Variants in SPAG9 observed in about 807,000 individuals in gnomAD.
The protein encoded by SPAG9 is C-Jun-amino-terminal kinase-interacting protein 4.
Under a neutral mutation model 166.5 loss-of-function variants are expected in SPAG9, and 35 were observed. The observed-to-expected ratio is 0.21, with a 90% CI of 0.16 to 0.28. SPAG9 has a LOEUF of 0.28. SPAG9 is among the 10% of genes least tolerant of loss of function. The pLI, the probability that SPAG9 is intolerant of heterozygous loss-of-function variation, is 1.00. For missense variants in SPAG9, 1,235 were observed against 1,603.3 expected (o/e 0.77, Z 3.92); for synonymous variants, 534 against 565.5 (o/e 0.94, Z 0.79).
chr17:51,037,668 T>C (rs2046649816), intron 5 of SPAG9, among the ~76,000 whole-genome samples: 1 of 28,156 alleles, frequency 3.6e-5, no homozygotes, highest in African/African-American at 8.3e-5. Context: ...ATGTGTTTTA[T>C]ATATATATAT....
intron 12 of SPAG9, among the ~76,000 whole-genome samples, chr17:51,004,960 C>T (rs1011246070): frequency 4.6e-5 from 7 of 152,076 alleles, no homozygotes; most frequent in Admixed American, 2.6e-4. Context: ...CCAGTTGGTC[C>T]TCAAACTTGA....
Position 51,041,610 on chromosome 17 carries a change from G to T in SPAG9, c.632C>A (p.Ala211Asp), listed in dbSNP as rs748515115. 6.2e-7 allele frequency: 1 copy of T among 1,613,908 alleles called. No individual in the cohort carries two copies. Among genetic ancestry groups the T allele is most frequent in the South Asian group, 1.1e-5 (1 of 91,080 alleles). ...ATCAGGTGTAAGCAATCCATCTCCA[G>T]CAGGTAATGGGAAAATTCCTAATGA... ...PISLGIFPLP[A>D]GDGLLTPDAQ... is the part of the protein sequence containing the mutation. Residue 211 changes from alanine to aspartate, a missense_variant, in exon 5 of 30, where the codon GCT becomes GAT. Transcript: ENST00000262013.
rs916251081 is a variant in SPAG9 at position 51,093,974 on chromosome 17, G to C, written c.304-14270C>G. ...GAACACTCTAGGCACAGCCAGGCAG[G>C]TGCCAAATGACAAGTGGAATTACAT... On this transcript the variant is annotated intron_variant, in intron 1 of 29. Coordinates refer to ENST00000262013, the MANE Select transcript of SPAG9 (RefSeq NM_001130528.3). Among the ~76,000 whole-genome samples the C allele has an allele frequency of 7.2e-5, 11 of 152,164 alleles. No individual in the cohort carries two copies. The East Asian group carries it at 1.7e-3, about 24-fold the overall frequency.
intron 1 of SPAG9, among the ~76,000 whole-genome samples, chr17:51,108,115 G>A (rs535372207): frequency 9.9e-5 from 15 of 151,506 alleles, no homozygotes; most frequent in Non-Finnish European, 2.1e-4. Context: ...GCCATGGGGC[G>A]GTGGCTGGTG....
At chr17:51,015,121 G>A (rs1047640994) in intron 8 of SPAG9, among the ~76,000 whole-genome samples, 26 of 152,090 alleles carry the variant, frequency 1.7e-4, no homozygotes, top group African/African-American at 6.3e-4. Flanking sequence ...AGAAACTATA[G>A]CAGATGAAAT....
intron 1 of SPAG9, among the ~76,000 whole-genome samples, chr17:51,101,802 T>G (rs1402897486): frequency 6.6e-6 from 1 of 151,974 alleles, no homozygotes; most frequent in Non-Finnish European, 1.5e-5. Flanking sequence ...TTTTTGTATT[T>G]TTAGTAGAGA....
intron 18 of SPAG9, 61 bp downstream of exon 18, chr17:50,994,996 G>A: frequency 3.7e-6 from 5 of 1,364,918 alleles, no homozygotes; most frequent in Non-Finnish European, 5.0e-6. Flanking sequence ...GGCAAATTTT[G>A]GATGAAAGAG....
At chr17:50,979,606 G>A in intron 26 of SPAG9, 140 bp downstream of exon 26, 1 of 721,808 alleles carries the variant, frequency 1.4e-6, no homozygotes, top group Non-Finnish European at 2.3e-6. Flanking sequence ...CAAGGCTATA[G>A]TGTGCTATGA....
intron 1 of SPAG9, among the ~76,000 whole-genome samples, chr17:51,115,521 A>G (rs1214452656): frequency 6.6e-6 from 1 of 151,334 alleles, no homozygotes; most frequent in African/African-American, 2.4e-5. Context: ...CTCTGCATGT[A>G]TGAGTCTATC....
At chr17:50,990,031 A>ATTT in intron 20 of SPAG9, 159 bp from the exon 21 acceptor site, 9 of 596,678 alleles carry the variant, frequency 1.5e-5, no homozygotes, top group Non-Finnish European at 2.0e-5. Context: ...TCATTACAGC[A>ATTT]TTTTTTTTTT....
intron 2 of SPAG9, among the ~76,000 whole-genome samples, chr17:51,068,600 T>C (rs2047737497): frequency 1.3e-5 from 2 of 152,128 alleles, no homozygotes; most frequent in Non-Finnish European, 2.9e-5. Flanking sequence ...GGCCAAGAAA[T>C]ACTTCCTCAT....
intron 1 of SPAG9, among the ~76,000 whole-genome samples, chr17:51,085,748 T>C (rs935287565): frequency 2.6e-5 from 4 of 152,192 alleles, no homozygotes; most frequent in African/African-American, 7.2e-5. Flanking sequence ...TTGTTCTAAG[T>C]AGATCTTAAA....
At chr17:50,966,974 T>C (rs1167521395) in intron 29 of SPAG9, among the ~76,000 whole-genome samples, 5 of 152,224 alleles carry the variant, frequency 3.3e-5, no homozygotes, top group Admixed American at 2.0e-4. Flanking sequence ...TAGGATAGGT[T>C]ACAAATTAAC....
intron 6 of SPAG9, among the ~76,000 whole-genome samples, chr17:51,029,950 C>T (rs1321047538): frequency 1.3e-5 from 2 of 152,106 alleles, no homozygotes; most frequent in Non-Finnish European, 2.9e-5. Flanking sequence ...GAGACCACAT[C>T]AGAGGTCATA....
At chr17:51,088,861 G>T (rs558766312) in intron 1 of SPAG9, among the ~76,000 whole-genome samples, 1 of 151,904 alleles carries the variant, frequency 6.6e-6, no homozygotes, top group African/African-American at 2.4e-5. Context: ...TTGGGAGGCC[G>T]AGGCAGGTGG....
chr17:51,061,135 C>T (rs1454362984), intron 2 of SPAG9, among the ~76,000 whole-genome samples: 3 of 141,414 alleles, frequency 2.1e-5, no homozygotes, highest in African/African-American at 5.3e-5. Flanking sequence ...CGTAAGCCAC[C>T]GCGCCCCACC....
At chr17:51,114,270 T>C (rs1311482911) in intron 1 of SPAG9, among the ~76,000 whole-genome samples, 4 of 152,096 alleles carry the variant, frequency 2.6e-5, no homozygotes, top group Non-Finnish European at 5.9e-5. Context: ...GGAGTTACAG[T>C]GATCTGAGAT....
At chr17:50,989,918 C>G in intron 20 of SPAG9, 46 bp from the exon 21 acceptor site, 1 of 1,518,342 alleles carries the variant, frequency 6.6e-7, no homozygotes, top group Non-Finnish European at 9.1e-7. Flanking sequence ...CTTTTCTCCT[C>G]CAATTATTTC....
At chr17:51,048,285 A>G (rs1383535337) in intron 3 of SPAG9, among the ~76,000 whole-genome samples, 3 of 152,110 alleles carry the variant, frequency 2.0e-5, no homozygotes, top group Non-Finnish European at 4.4e-5. Context: ...ATTTGGAATT[A>G]AGACATAAAA....
Sources: gnomAD v4.1 joint callset for allele counts (sites outside exome capture counted in the v4.1 genomes callset) on GRCh38, gnomAD v4.1.1 for gene constraint, MANE v1.5 for transcripts, NCBI Gene and HGNC (gene_info 2026-07-23, HGNC 2026-07-21) for gene names.